Variants in NRG1 observed in about 807,000 individuals in gnomAD.
NRG1 encodes the protein pro-neuregulin-1, membrane-bound isoform.
NRG1 carries 18 observed loss-of-function variants against 63.8 expected under a neutral mutation model. The ratio of observed to expected loss-of-function variants is 0.28; its 90% CI spans 0.19 to 0.42. The LOEUF is 0.42. NRG1 is among the 10% of genes least tolerant of loss of function. NRG1 has a pLI of 1.00. For missense variants in NRG1, 762 were observed against 814.7 expected (o/e 0.94, Z 0.79); for synonymous variants, 302 against 301.3 (o/e 1.00, Z -0.02).
intron 1 of NRG1, among the ~76,000 whole-genome samples, chr8:32,351,324 G>A (rs1032261724): frequency 6.6e-6 from 1 of 152,174 alleles, no homozygotes; most frequent in African/African-American, 2.4e-5. Context: ...ATGTACAGAT[G>A]TGTTTCAAAT....
exon 1 of NRG1, chr8:32,548,701 G>T (rs552852456): frequency 2.6e-6 from 4 of 1,561,080 alleles, no homozygotes; most frequent in Non-Finnish European, 3.5e-6. Flanking sequence ...AGAGCCGTCC[G>T]CGTAGAGCGC....
chr8:32,255,505 T>G (rs1028502596), intron 1 of NRG1, among the ~76,000 whole-genome samples: 5 of 152,198 alleles, frequency 3.3e-5, no homozygotes, highest in African/African-American at 2.4e-5. Flanking sequence ...TCTTTAAGAG[T>G]GTTGAATATT....
At chr8:32,660,252 T>C (rs1253746612) in intron 5 of NRG1, among the ~76,000 whole-genome samples, 1 of 152,188 alleles carries the variant, frequency 6.6e-6, no homozygotes, top group Non-Finnish European at 1.5e-5. Flanking sequence ...AATGCAAACA[T>C]TCCAAAATCC....
At chr8:31,727,019 C>A (rs1416027206) in intron 1 of NRG1, among the ~76,000 whole-genome samples, 1 of 152,086 alleles carries the variant, frequency 6.6e-6, no homozygotes. Context: ...GATTGAAAAA[C>A]GATTGTCTAA....
chr8:31,790,754 C>T (rs188775314), intron 1 of NRG1, among the ~76,000 whole-genome samples: 52 of 152,252 alleles, frequency 3.4e-4, no homozygotes, highest in Non-Finnish European at 6.9e-4. Context: ...CTGGGCTACA[C>T]AAAGGGAACT....
chr8:31,956,408 GA>G (rs1563614809), intron 1 of NRG1, among the ~76,000 whole-genome samples: 1 of 152,132 alleles, frequency 6.6e-6, no homozygotes, highest in Non-Finnish European at 1.5e-5. Flanking sequence ...ACAAGGTCAG[GA>G]GATCGAGACC....
At chr8:32,056,210 C>T (rs757482493) in intron 1 of NRG1, among the ~76,000 whole-genome samples, 21 of 152,046 alleles carry the variant, frequency 1.4e-4, no homozygotes, top group Admixed American at 3.9e-4. Context: ...GCCAAATTTT[C>T]GGAAAGTTGC....
At chr8:32,203,020 T>C (rs1443272814) in intron 1 of NRG1, among the ~76,000 whole-genome samples, 2 of 151,798 alleles carry the variant, frequency 1.3e-5, no homozygotes, top group Non-Finnish European at 2.9e-5. Context: ...ATGTGTTTGA[T>C]CTTTGTAAAA....
At chr8:32,025,874 A>T (rs1346082532) in intron 1 of NRG1, among the ~76,000 whole-genome samples, 5 of 141,270 alleles carry the variant, frequency 3.5e-5, no homozygotes, top group African/African-American at 5.2e-5. Flanking sequence ...TGAACCCGGG[A>T]GGCGGAGCTT....
chr8:31,918,456 T>G (rs1179596517), intron 1 of NRG1, among the ~76,000 whole-genome samples: 1 of 152,250 alleles, frequency 6.6e-6, no homozygotes, highest in Non-Finnish European at 1.5e-5. Flanking sequence ...TCTATTGAGA[T>G]AATCATGTGG....
At chr8:31,837,558 T>C (rs1825791673) in intron 1 of NRG1, among the ~76,000 whole-genome samples, 1 of 152,028 alleles carries the variant, frequency 6.6e-6, no homozygotes, top group African/African-American at 2.4e-5. Context: ...AGTAGTCACC[T>C]TACTGTTCAA....
chr8:32,615,612 T>A (rs1847212605), intron 4 of NRG1, among the ~76,000 whole-genome samples: 1 of 152,106 alleles, frequency 6.6e-6, no homozygotes. Flanking sequence ...TGGTACCTTG[T>A]TGAAACTATA....
intron 1 of NRG1, among the ~76,000 whole-genome samples, chr8:31,962,509 G>A (rs1805620169): frequency 1.3e-5 from 2 of 152,258 alleles, no homozygotes; most frequent in East Asian, 1.9e-4. Flanking sequence ...GTGATGGCCT[G>A]AAAAATCCCT....
chr8:32,350,363 A>G (rs1268256986), intron 1 of NRG1, among the ~76,000 whole-genome samples: 2 of 152,304 alleles, frequency 1.3e-5, no homozygotes, highest in Middle Eastern at 3.4e-3. Context: ...TGCTTTCTCT[A>G]TAAGTTCATA....
chr8:32,049,282 C>G (rs1423075606), intron 1 of NRG1, among the ~76,000 whole-genome samples: 5 of 152,122 alleles, frequency 3.3e-5, no homozygotes, highest in African/African-American at 9.7e-5. Context: ...CATTAACATT[C>G]TAAGCTTATG....
intron 1 of NRG1, among the ~76,000 whole-genome samples, chr8:31,714,111 A>G (rs1193099908): frequency 2.0e-5 from 3 of 152,166 alleles, no homozygotes; most frequent in Non-Finnish European, 2.9e-5. Context: ...TTTTCTGTAC[A>G]ATATCAGTTG....
intron 1 of NRG1, among the ~76,000 whole-genome samples, chr8:32,165,022 C>A (rs770600173): frequency 6.6e-6 from 1 of 152,198 alleles, no homozygotes; most frequent in Non-Finnish European, 1.5e-5. Context: ...CCCTCTCCCC[C>A]ACCCCCCAAC....
At chr8:32,448,291 T>G (rs1386333841) in intron 1 of NRG1, among the ~76,000 whole-genome samples, 3 of 152,208 alleles carry the variant, frequency 2.0e-5, no homozygotes, top group Admixed American at 1.3e-4. Flanking sequence ...AATTCCCTCT[T>G]CAAGACTTCT....
chr8:32,055,033 A>G (rs1822682579), intron 1 of NRG1, among the ~76,000 whole-genome samples: 2 of 151,464 alleles, frequency 1.3e-5, no homozygotes, highest in African/African-American at 4.9e-5. Flanking sequence ...GTCTACAGGC[A>G]TATGCCACCA....
Sources: gnomAD v4.1 joint callset for allele counts (sites outside exome capture counted in the v4.1 genomes callset) on GRCh38, gnomAD v4.1.1 for gene constraint, MANE v1.5 for transcripts, NCBI Gene and HGNC (gene_info 2026-07-23, HGNC 2026-07-21) for gene names.